LRP1B: variants seen among roughly 807,000 people sequenced by gnomAD.
LRP1B encodes LDL receptor related protein 1B, also known as low-density lipoprotein receptor-related protein 1B.
LRP1B carries 217 observed loss-of-function variants against 556.6 expected under a neutral mutation model. The observed-to-expected ratio is 0.39, with a 90% confidence interval of 0.35 to 0.44. The LOEUF (loss-of-function observed/expected upper bound fraction) is 0.44. Among genes scored for constraint, LRP1B ranks in the 20% least tolerant of loss-of-function variants. The pLI is 1.00. For synonymous variants in LRP1B, 2,047 were observed against 1,865.8 expected, an observed-to-expected ratio of 1.10 and a Z score of -2.50; for missense variants, 5,053 against 5,620.8, an observed-to-expected ratio of 0.90 and a Z score of 3.23.
intron 66 of LRP1B, among the ~76,000 whole-genome samples, chr2:140,418,396 C>T (rs982092418): frequency 1.3e-5 from 2 of 152,134 alleles, no homozygotes; most frequent in African/African-American, 2.4e-5. Context: ...CCAGTTGAAT[C>T]GACTTTGTCT....
In LRP1B at chr2:142,115,848, A is replaced by ATAT. The variant is rs1559080656; in HGVS notation, c.82+14797_82+14799dup. Among the ~76,000 whole-genome samples, 4 of 9,820 alleles carry ATAT rather than the reference A, an allele frequency of 4.1e-4. 1 individual carries two copies. Among genetic ancestry groups the ATAT allele is most frequent in the African/African-American group, 1.4e-3 (4 of 2,872 alleles). The allele number at this position is 9,820 out of a possible 152,430, so 6.4% of individuals were successfully genotyped here. On this transcript the variant is annotated intron_variant, in intron 1 of 90. Coordinates refer to ENST00000389484, the MANE Select transcript of LRP1B (RefSeq NM_018557.3). ...TATATATCATATATATGTAATATAT[A>ATAT]TATATACATATATATATATATGGGG... is the stretch of plus-strand genomic sequence containing the variant.
chr2:140,300,283 T>A (rs1330236741), intron 83 of LRP1B, among the ~76,000 whole-genome samples: 1 of 152,182 alleles, frequency 6.6e-6, no homozygotes, highest in Non-Finnish European at 1.5e-5. Flanking sequence ...TATTTGGTGA[T>A]ACAGCTGATC....
At chr2:141,272,948 C>G (rs1426219706) in intron 3 of LRP1B, among the ~76,000 whole-genome samples, 5 of 152,086 alleles carry the variant, frequency 3.3e-5, no homozygotes, top group African/African-American at 1.2e-4. Context: ...AATACTTGAG[C>G]AACATTATAA....
At chr2:141,853,916 C>T (rs1697952507) in intron 1 of LRP1B, among the ~76,000 whole-genome samples, 1 of 151,604 alleles carries the variant, frequency 6.6e-6, no homozygotes, top group Admixed American at 6.6e-5. Flanking sequence ...TGACTTGAGC[C>T]AGATAAATAT....
chr2:141,649,070 ATT>A (rs1338481744), intron 2 of LRP1B, among the ~76,000 whole-genome samples: 1 of 152,182 alleles, frequency 6.6e-6, no homozygotes. Context: ...GTAGGCTAAA[ATT>A]CTAATTCATT....
At chr2:141,855,375 A>G (rs531794428) in intron 1 of LRP1B, among the ~76,000 whole-genome samples, 3 of 152,268 alleles carry the variant, frequency 2.0e-5, no homozygotes, top group Non-Finnish European at 2.9e-5. Context: ...TCTGCTTGGC[A>G]TAAGACAAGA....
At chr2:141,541,362 T>G (rs1412507340) in intron 2 of LRP1B, among the ~76,000 whole-genome samples, 2 of 152,052 alleles carry the variant, frequency 1.3e-5, no homozygotes, top group African/African-American at 4.8e-5. Context: ...TTATTCTGCC[T>G]GTAGCTGTCA....
At chr2:141,466,050 A>C (rs1214565114) in intron 3 of LRP1B, among the ~76,000 whole-genome samples, 2 of 151,706 alleles carry the variant, frequency 1.3e-5, no homozygotes, top group Admixed American at 6.6e-5. Context: ...TACTGCACCC[A>C]GCTAATTTTT....
rs1558865771 is a variant in LRP1B, at chr2:141,108,330, G to GTTTCTTTTTTT, written c.1014-46068_1014-46058dup. Among the ~76,000 whole-genome samples, 29 of 66,596 alleles carry GTTTCTTTTTTT rather than the reference G, an allele frequency of 4.4e-4. 3 individuals carry two copies. The highest frequency in any genetic ancestry group is 4.6e-4 in the African/African-American group (8 of 17,484). 43.7% of individuals were successfully genotyped at this position (66,596 alleles called of 152,430 possible). A position where few individuals can be genotyped will look rare whatever the true frequency, so the allele number is the denominator to read the frequency against. ...TCAGACAAAAATATGTTTATAATCT[G>GTTTCTTTTTTT]TTTCTTTTTTTTTTTTTTTTTTTTT... On this transcript the variant is annotated intron_variant, in intron 7 of 90. Coordinates refer to ENST00000389484, the MANE Select transcript of LRP1B (RefSeq NM_018557.3).
chr2:140,594,222 AGCCTCC>A (rs1682344529), intron 43 of LRP1B, among the ~76,000 whole-genome samples: 1 of 152,116 alleles, frequency 6.6e-6, no homozygotes, highest in Non-Finnish European at 1.5e-5. Flanking sequence ...CACTTGCCTC[AGCCTCC>A]CAAAGCTCTG....
chr2:141,145,996 C>G (rs1475080853), intron 7 of LRP1B, among the ~76,000 whole-genome samples: 1 of 136,992 alleles, frequency 7.3e-6, no homozygotes, highest in Non-Finnish European at 1.5e-5. Flanking sequence ...GCAATCTCAG[C>G]TCACCGCAAC....
intron 1 of LRP1B, among the ~76,000 whole-genome samples, chr2:142,120,859 A>G (rs1419547394): frequency 6.6e-6 from 1 of 152,198 alleles, no homozygotes; most frequent in Non-Finnish European, 1.5e-5. Flanking sequence ...TAATTCTGAA[A>G]TATAAAAGAA....
intron 3 of LRP1B, among the ~76,000 whole-genome samples, chr2:141,428,913 C>T (rs1211942185): frequency 6.6e-6 from 1 of 152,192 alleles, no homozygotes; most frequent in Non-Finnish European, 1.5e-5. Flanking sequence ...GAGATTACTT[C>T]ATGCTCCTTG....
At chr2:141,338,044 A>G (rs1687911216) in intron 3 of LRP1B, among the ~76,000 whole-genome samples, 1 of 152,180 alleles carries the variant, frequency 6.6e-6, no homozygotes, top group South Asian at 2.1e-4. Flanking sequence ...TTCAGGCCAC[A>G]CGTTCCAATT....
chr2:140,398,420 A>G (rs557924990), intron 66 of LRP1B, among the ~76,000 whole-genome samples: 3 of 152,172 alleles, frequency 2.0e-5, no homozygotes, highest in Non-Finnish European at 4.4e-5. Flanking sequence ...CACTCATACA[A>G]CACCTGGACA....
At chr2:142,090,246 G>A (rs1706113621) in intron 1 of LRP1B, among the ~76,000 whole-genome samples, 2 of 151,964 alleles carry the variant, frequency 1.3e-5, no homozygotes, top group African/African-American at 4.8e-5. Context: ...TATGAGGCTT[G>A]GTTTTATCAC....
intron 3 of LRP1B, among the ~76,000 whole-genome samples, chr2:141,297,281 G>A (rs898091699): frequency 4.6e-5 from 7 of 152,118 alleles, no homozygotes; most frequent in African/African-American, 1.7e-4. Context: ...AGTCAGAATG[G>A]CTATTACTAA....
intron 2 of LRP1B, among the ~76,000 whole-genome samples, chr2:141,613,761 C>A (rs12475186): frequency 1.1e-4 from 16 of 152,070 alleles, no homozygotes; most frequent in African/African-American, 3.4e-4. Context: ...AAGAATACTA[C>A]GGTCAAATTC....
intron 2 of LRP1B, among the ~76,000 whole-genome samples, chr2:141,741,571 C>T (rs1205278483): frequency 6.6e-6 from 1 of 151,972 alleles, no homozygotes; most frequent in East Asian, 1.9e-4. Flanking sequence ...TTTTCATATT[C>T]CTGTTTGCCA....
Sources: gnomAD v4.1 joint callset for allele counts (sites outside exome capture counted in the v4.1 genomes callset) on GRCh38, gnomAD v4.1.1 for gene constraint, MANE v1.5 for transcripts, NCBI Gene and HGNC (gene_info 2026-07-23, HGNC 2026-07-21) for gene names.